Variants in ABR observed in about 807,000 individuals in gnomAD.
The protein encoded by ABR is active breakpoint cluster region-related protein.
A neutral mutation model predicts 107.2 loss-of-function variants in ABR; 35 were observed. That is an observed-to-expected ratio of 0.33 (90% CI 0.25 to 0.43). ABR has a LOEUF of 0.43. Among genes scored for constraint, ABR ranks in the 20% least tolerant of loss-of-function variants. ABR has a pLI of 1.00. For synonymous variants in ABR, 498 were observed against 462.0 expected, an observed-to-expected ratio of 1.08 and a Z score of -1.00; for missense variants, 815 against 1,115.2, an observed-to-expected ratio of 0.73 and a Z score of 3.83.
chr17:1,013,337 C>T, intron 16 of ABR, 173 bp from the exon 17 acceptor site: 1 of 697,776 alleles, frequency 1.4e-6, no homozygotes, highest in Non-Finnish European at 2.4e-6. Context: ...CCCTAGCCCC[C>T]AGGCCCCTGT....
At chr17:1,120,990 C>A (rs2039319214) in intron 2 of ABR, among the ~76,000 whole-genome samples, 4 of 152,368 alleles carry the variant, frequency 2.6e-5, no homozygotes, top group Admixed American at 2.6e-4. Flanking sequence ...CCTACACCCC[C>A]ACTTGTCAGC....
chr17:1,062,371 T>C (rs10459971), intron 10 of ABR, among the ~76,000 whole-genome samples: 3,002 of 108,326 alleles, frequency 0.028, 1 homozygote, highest in Admixed American at 0.052. Context: ...GCTGCTGTTA[T>C]GTGAACTGAG....
At chr17:1,054,629 T>G (rs111094262) in intron 14 of ABR, among the ~76,000 whole-genome samples, 8,513 of 9,914 alleles carry the variant, frequency 0.86, 4,151 homozygotes, top group Middle Eastern at 0.96. Flanking sequence ...TCAGGGGATG[T>G]GGGCACAAGG....
intron 16 of ABR, among the ~76,000 whole-genome samples, chr17:1,038,504 T>C (rs965904230): frequency 6.6e-6 from 1 of 152,206 alleles, no homozygotes; most frequent in Non-Finnish European, 1.5e-5. Flanking sequence ...ATCTTGCGTC[T>C]CCAGCCGCGC....
intron 2 of ABR, chr17:1,108,934 C>T (rs1344704492): frequency 6.3e-7 from 1 of 1,592,102 alleles, no homozygotes; most frequent in Admixed American, 1.7e-5. Context: ...ACGCTCCCAC[C>T]TTCACAGCCA....
In ABR at chr17:1,225,418, C is replaced by T. The variant is rs567221005; in HGVS notation, c.838+3375G>A. Reference sequence around the variant, plus strand: ...CTGTAATCCTAGCACTTTGGGAGGCCGAGACAGGCGGATCACCTGAGGTCA... The same window carrying T: ...CTGTAATCCTAGCACTTTGGGAGGCTGAGACAGGCGGATCACCTGAGGTCA... On this transcript the variant is annotated intron_variant, in intron 1 of 22. Transcript: ENST00000574139. Among the ~76,000 whole-genome samples, 1,400 of 152,166 alleles carry T rather than the reference C, an allele frequency of 9.2e-3. 14 individuals are homozygous for T. Among genetic ancestry groups the T allele is most frequent in the Non-Finnish European group, 0.015 (1,006 of 68,000 alleles).
At chr17:1,122,506 C>T (rs553391510) in intron 2 of ABR, among the ~76,000 whole-genome samples, 7 of 152,194 alleles carry the variant, frequency 4.6e-5, no homozygotes, top group Admixed American at 2.0e-4. Context: ...ACTACCTGAG[C>T]GTGAGCTGGG....
chr17:1,223,408 G>A (rs986480010), intron 1 of ABR, among the ~76,000 whole-genome samples: 2 of 151,656 alleles, frequency 1.3e-5, no homozygotes, highest in African/African-American at 4.8e-5. Flanking sequence ...TTTAATCTTC[G>A]TAACTATCCT....
rs1200457118 is a variant in ABR at position 1,037,433 on chromosome 17, C to A, written c.1791+12617G>T. Among the ~76,000 whole-genome samples the A allele has an allele frequency of 6.6e-6, 1 of 152,206 alleles. No individual in the cohort carries two copies. Among genetic ancestry groups the A allele is most frequent in the Non-Finnish European group, 1.5e-5 (1 of 68,036 alleles). ...GGTACGGAGGAGAGGCTGAAACAGC[C>A]CAAGAGCTTGTCTGCTGCAGGAGAA... On this transcript the variant is annotated intron_variant, in intron 16 of 22. Coordinates refer to ENST00000302538, the MANE Select transcript of ABR (RefSeq NM_021962.5). The surrounding 1 kb of genome is among the most constrained non-coding windows in gnomAD (Gnocchi z 4.6).
At chr17:1,065,712 C>T (rs1367305398) in intron 10 of ABR, among the ~76,000 whole-genome samples, 6 of 150,724 alleles carry the variant, frequency 4.0e-5, no homozygotes, top group Non-Finnish European at 5.9e-5. Flanking sequence ...TTCCTCTTTA[C>T]CTTGTCAGTT....
chr17:1,197,904 G>C lies in ABR; in HGVS notation c.838+30889C>G, dbSNP rs1211163666. Among the ~76,000 whole-genome samples the C allele has an allele frequency of 3.3e-5, 5 of 151,660 alleles. No individual in the cohort carries two copies. The East Asian group carries it at 9.6e-4, about 29-fold the overall frequency. Reference sequence around the variant, plus strand: ...CTGGGCTCCTCAGACCACTGGCTTTGGGGGCAAATACACCCTGCTGACTGT... The same window carrying C: ...CTGGGCTCCTCAGACCACTGGCTTTCGGGGCAAATACACCCTGCTGACTGT... On this transcript the variant is annotated intron_variant, in intron 1 of 22. Transcript: ENST00000574139.
chr17:1,021,513 A>T lies in ABR; in HGVS notation c.1792-8349T>A, dbSNP rs1597397875. Among the ~76,000 whole-genome samples the T allele has an allele frequency of 2.6e-5, 4 of 152,360 alleles. No individual in the cohort carries two copies. In the East Asian group the frequency reaches 5.8e-4, roughly 22 times the overall value. On this transcript the variant is annotated intron_variant, in intron 16 of 22. Coordinates refer to ENST00000302538, the MANE Select transcript of ABR (RefSeq NM_021962.5). Reference sequence around the variant, plus strand: ...GGGGTTGCAGAGGTTCATAAAAAAAAGTGCTTCTTCAGCCAGGTGCGGTGG... The same window carrying T: ...GGGGTTGCAGAGGTTCATAAAAAAATGTGCTTCTTCAGCCAGGTGCGGTGG...
At chr17:1,082,781 G>A (rs77632710) in intron 5 of ABR, among the ~76,000 whole-genome samples, 4,477 of 152,264 alleles carry the variant, frequency 0.029, 132 homozygotes, top group East Asian at 0.16. Context: ...CGGGGAAGGT[G>A]CCAGGAAATC....
At chr17:1,195,355 C>T (rs2042537613) in intron 1 of ABR, among the ~76,000 whole-genome samples, 1 of 150,538 alleles carries the variant, frequency 6.6e-6, no homozygotes, top group Non-Finnish European at 1.5e-5. Flanking sequence ...CTTGGCCTCT[C>T]CAAGTGCTGG....
intron 1 of ABR, among the ~76,000 whole-genome samples, chr17:1,164,951 A>AT (rs1457276404): frequency 6.6e-6 from 1 of 152,186 alleles, no homozygotes; most frequent in Non-Finnish European, 1.5e-5. Flanking sequence ...GGATATACTT[A>AT]TATTTAAAAA....
intron 1 of ABR, among the ~76,000 whole-genome samples, chr17:1,196,888 G>A (rs2042580451): frequency 6.6e-6 from 1 of 151,916 alleles, no homozygotes; most frequent in Non-Finnish European, 1.5e-5. Flanking sequence ...TAGAGATGGG[G>A]TTTCACCGTG....
intron 16 of ABR, chr17:1,031,481 G>A: frequency 1.5e-6 from 1 of 682,884 alleles, no homozygotes; most frequent in Non-Finnish European, 2.1e-6. Flanking sequence ...TCTGTCCCGG[G>A]ACTCCACGGA....
intron 16 of ABR, among the ~76,000 whole-genome samples, chr17:1,045,378 G>GCAGGACAATCTTCCA (rs1597517382): frequency 2.0e-5 from 2 of 100,304 alleles, no homozygotes; most frequent in East Asian, 6.0e-4. Context: ...ACAATCTTCC[G>GCAGGACAATCTTCCA]TCTTCTTACA....
upstream of ABR, among the ~76,000 whole-genome samples, chr17:1,182,869 G>A (rs2042179089): frequency 6.6e-6 from 1 of 152,182 alleles, no homozygotes; most frequent in African/African-American, 2.4e-5. Context: ...AGATTCCCTT[G>A]ATGCCTTTGT....
Sources: allele counts gnomAD v4.1 joint callset (sites outside exome capture counted in the v4.1 genomes callset), GRCh38; gene constraint gnomAD v4.1.1; non-coding constraint Gnocchi (gnomAD v3.1); transcripts MANE v1.5; gene names NCBI Gene and HGNC (gene_info 2026-07-23, HGNC 2026-07-21).